The following PITRM1 variants were observed in gnomAD, a reference collection of about 807,000 sequenced individuals.
PITRM1 encodes the protein presequence protease, mitochondrial.
A neutral mutation model predicts 129.9 loss-of-function variants in PITRM1; 100 were observed. That is an observed-to-expected ratio of 0.77 (90% confidence interval 0.65 to 0.91). The LOEUF (loss-of-function observed/expected upper bound fraction) is 0.91, where lower values mean the gene tolerates loss of function less well. PITRM1 is among the 40% of genes least tolerant of loss of function. The probability of loss-of-function intolerance (pLI) is 0.00; values close to 1 mark genes in which losing one functional copy is unlikely to be tolerated. For missense variants in PITRM1, 1,471 were observed against 1,318.3 expected, an observed-to-expected ratio of 1.12 and a Z score of -1.79; for synonymous variants, 591 against 508.8, an observed-to-expected ratio of 1.16 and a Z score of -2.17.
intron 16 of PITRM1, chr10:3,148,905 C>T (rs1193380707): frequency 6.6e-6 from 1 of 152,348 alleles, no homozygotes; most frequent in Admixed American, 6.5e-5. Flanking sequence ...AGGGAACCTT[C>T]AAAACCCTGA....
chr10:3,154,053 G>C (rs1030662221), intron 14 of PITRM1, among the ~76,000 whole-genome samples: 1 of 152,058 alleles, frequency 6.6e-6, no homozygotes, highest in Non-Finnish European at 1.5e-5. Context: ...ACCACACCCC[G>C]ACTGGGCCTC....
intron 18 of PITRM1, 51 bp from the exon 19 acceptor site, chr10:3,147,788 C>A: frequency 6.7e-7 from 1 of 1,488,166 alleles, no homozygotes. Flanking sequence ...CCTCACGTCC[C>A]TTCAGTATCA....
intron 7 of PITRM1, among the ~76,000 whole-genome samples, chr10:3,161,587 C>CA (rs1306598605): frequency 1.3e-5 from 2 of 151,782 alleles, no homozygotes; most frequent in African/African-American, 4.8e-5. Context: ...AAGACCCTTC[C>CA]CCATTAGCCA....
rs1390187789 is a variant in PITRM1, at chr10:3,165,184, A to T, written c.630+54T>A. 4 of 1,189,170 alleles carry T rather than the reference A, an allele frequency of 3.4e-6. No individual in the cohort carries two copies. The East Asian group carries it at 1.0e-4, about 30-fold the overall frequency. The allele number at this position is 1,189,170 out of a possible 1,614,324, so 73.7% of individuals were successfully genotyped here. On this transcript the variant is annotated intron_variant, in intron 6 of 26. Transcript: ENST00000224949. ...CTTCCAGATGTGTCTATATCATGAT[A>T]TTGTACATGGGAAAGGTAAGCTGAA...
intron 24 of PITRM1, 83 bp downstream of exon 24, chr10:3,140,604 T>C (rs576701039): frequency 8.5e-6 from 11 of 1,290,904 alleles, no homozygotes; most frequent in Admixed American, 4.4e-5. Context: ...TTCACTGCAG[T>C]AGAAGAAAAT....
rs1007497854 is a variant in PITRM1, at chr10:3,148,436, G to A, written c.1872-145C>T. ...CCTCTCTACACTTCGAAGGTCATAA[G>A]CAGGTGCACTCTGGCCTTCGCCCTC... On this transcript the variant is annotated intron_variant, in intron 16 of 26. Transcript: ENST00000224949. 4 of 1,011,080 alleles carry A rather than the reference G, an allele frequency of 4.0e-6. No homozygotes were observed. The African/African-American group carries it at 4.8e-5, about 12-fold the overall frequency. 62.6% of individuals were successfully genotyped at this position (1,011,080 alleles called of 1,614,324 possible). A position where few individuals can be genotyped will look rare whatever the true frequency, so the allele number is the denominator to read the frequency against.
chr10:3,166,278 G>T lies in PITRM1; in HGVS notation c.369C>A (p.Phe123Leu), dbSNP rs751907233. 12 of 1,608,764 alleles carry T rather than the reference G, an allele frequency of 7.5e-6. No individual in the cohort carries two copies. The highest frequency in any genetic ancestry group is 1.0e-5 in the Non-Finnish European group (12 of 1,177,500). Residue 123 changes from phenylalanine to leucine, a missense_variant, in exon 4 of 27, where the codon TTC becomes TTA. Transcript: ENST00000224949. Reference sequence around the variant, plus strand: ...AGAGGGACCGGTTCAACATTTTGAAGAAAGGGTCTCTGCACGGATATTTCT... The same window carrying T: ...AGAGGGACCGGTTCAACATTTTGAATAAAGGGTCTCTGCACGGATATTTCT... Reference protein sequence around the residue: ...GSQKYPCRDPFFKMLNRSLST... With the variant: ...GSQKYPCRDPLFKMLNRSLST...
At chr10:3,158,340 T>A (rs1201513871) in intron 10 of PITRM1, among the ~76,000 whole-genome samples, 187 bp from the exon 11 acceptor site, 1 of 152,214 alleles carries the variant, frequency 6.6e-6, no homozygotes, top group Non-Finnish European at 1.5e-5. Flanking sequence ...CATCATTTTT[T>A]AAAAATAAAA....
At chr10:3,170,288 C>T in intron 1 of PITRM1, 82 bp from the exon 2 acceptor site, 1 of 948,714 alleles carries the variant, frequency 1.1e-6, no homozygotes, top group Non-Finnish European at 1.6e-6. Context: ...TGAAAATACT[C>T]TCATGTAATA....
chr10:3,143,736 C>A, intron 22 of PITRM1: 1 of 699,272 alleles, frequency 1.4e-6, no homozygotes, highest in Non-Finnish European at 2.7e-6. Flanking sequence ...GTAAAACTGA[C>A]ATGAAGTCCT....
At chr10:3,170,932 C>T (rs1264212966) in intron 1 of PITRM1, among the ~76,000 whole-genome samples, 2 of 151,730 alleles carry the variant, frequency 1.3e-5, no homozygotes, top group Non-Finnish European at 2.9e-5. Context: ...CACTGCACTC[C>T]AGCCTGGGTG....
chr10:3,159,769 G>C (rs1314698229), intron 9 of PITRM1, 79 bp downstream of exon 9: 1 of 792,954 alleles, frequency 1.3e-6, no homozygotes, highest in Non-Finnish European at 2.1e-6. Flanking sequence ...TTCAATTGTA[G>C]AACTCACTTC....
At chr10:3,144,522 G>C (rs1367636337) in intron 21 of PITRM1, among the ~76,000 whole-genome samples, 156 bp from the exon 22 acceptor site, 1 of 143,096 alleles carries the variant, frequency 7.0e-6, no homozygotes, top group South Asian at 2.2e-4. Context: ...AATAAAAATA[G>C]GCTGGGCAGA....
intron 14 of PITRM1, among the ~76,000 whole-genome samples, chr10:3,153,631 A>G (rs942202812): frequency 2.0e-5 from 3 of 151,584 alleles, no homozygotes; most frequent in African/African-American, 7.3e-5. Flanking sequence ...AAAAAAAACC[A>G]AAAAAACAAC....
rs1226837280 is a variant in PITRM1, at chr10:3,143,374, C to G, written c.2645+15G>C. 1 of 1,535,772 alleles carries G rather than the reference C, an allele frequency of 6.5e-7. No individual in the cohort carries two copies. Among genetic ancestry groups the G allele is most frequent in the Admixed American group, 1.7e-5 (1 of 59,846 alleles). On this transcript the variant is annotated intron_variant, in intron 23 of 26. Coordinates refer to ENST00000224949, the MANE Select transcript of PITRM1 (RefSeq NM_014889.4). ...AAGGCTCAGGCCTGAGAGGTCCCGA[C>G]CTACACCCTCCTACCTGGCATGATC...
At chr10:3,141,605 C>A in intron 23 of PITRM1, 1 of 463,022 alleles carries the variant, frequency 2.2e-6, no homozygotes, top group Non-Finnish European at 4.5e-6. Context: ...CAAGCTGATT[C>A]TAGAACACAT....
At chr10:3,145,752 T>G (rs367732108) in intron 20 of PITRM1, 36 bp from the exon 21 acceptor site, 1 of 1,461,166 alleles carries the variant, frequency 6.8e-7, no homozygotes, top group Non-Finnish European at 9.4e-7. Context: ...AAACCACTGT[T>G]AGAAAAAACA....
intron 3 of PITRM1, 130 bp downstream of exon 3, chr10:3,166,800 CTTAGTG>C (rs1287494877): frequency 1.8e-6 from 1 of 563,060 alleles, no homozygotes; most frequent in African/African-American, 1.9e-5. Context: ...ATCAGCTGTC[CTTAGTG>C]TTAGTGTATT....
chr10:3,161,050 C>T (rs1261772359), intron 7 of PITRM1, among the ~76,000 whole-genome samples: 4 of 152,098 alleles, frequency 2.6e-5, no homozygotes, highest in Admixed American at 2.0e-4. Flanking sequence ...CGTGAGCCAC[C>T]GTGCCTGACC....
Sources: allele counts gnomAD v4.1 joint callset (sites outside exome capture counted in the v4.1 genomes callset), GRCh38; gene constraint gnomAD v4.1.1; transcripts MANE v1.5; gene names NCBI Gene and HGNC (gene_info 2026-07-23, HGNC 2026-07-21).